TRIM67: variants seen among roughly 807,000 people sequenced by gnomAD.
TRIM67 encodes tripartite motif-containing protein 67.
A neutral mutation model predicts 71.0 loss-of-function variants in TRIM67; 39 were observed. That is an observed-to-expected ratio of 0.55 (90% CI 0.43 to 0.72). The LOEUF is 0.72. TRIM67 is among the 30% of genes least tolerant of loss of function. The pLI is 0.00. For missense variants in TRIM67, 973 were observed against 1,079.2 expected, an observed-to-expected ratio of 0.90 and a Z score of 1.38; for synonymous variants, 481 against 473.9, an observed-to-expected ratio of 1.01 and a Z score of -0.19.
intron 8 of TRIM67, among the ~76,000 whole-genome samples, chr1:231,212,017 T>C (rs1192845059): frequency 1.3e-5 from 2 of 152,212 alleles, no homozygotes; most frequent in African/African-American, 4.8e-5. Context: ...AGTCCTTTAT[T>C]AAGCCGGTGG....
At chr1:231,192,378 T>C (rs187230566) in intron 1 of TRIM67, among the ~76,000 whole-genome samples, 111 of 152,178 alleles carry the variant, frequency 7.3e-4, no homozygotes, top group African/African-American at 2.6e-3. Context: ...GTCGTACTCA[T>C]TATGTTGCCC....
chr1:231,215,751 T>G lies in TRIM67; in HGVS notation c.*311T>G, dbSNP rs1683999644. On this transcript the variant is annotated 3_prime_UTR_variant, in exon 10 of 10. Transcript: ENST00000366653. The stretch of plus-strand genomic sequence containing the variant: ...CAGCATTCGGGCTTCATGTCTATGT[T>G]TCCTGCCATCTGTTTTCAAAGCTTG... The G allele has an allele frequency of 3.5e-6, 4 of 1,158,236 alleles. No homozygotes were observed. The highest frequency in any genetic ancestry group is 4.3e-6 in the Non-Finnish European group (4 of 940,838). 71.7% of individuals were successfully genotyped at this position (1,158,236 alleles called of 1,614,324 possible).
At position 231,206,697 on chromosome 1, in the gene TRIM67, C is replaced by A; in HGVS notation, c.1726C>A (p.His576Asn). The A allele has an allele frequency of 6.2e-7, 1 of 1,611,566 alleles. No homozygotes were observed. The highest frequency in any genetic ancestry group is 1.1e-5 in the South Asian group (1 of 90,454). The change falls in exon 7 of 10, where the codon CAC becomes AAC. Residue 576 changes from histidine to asparagine, a missense_variant. Physicochemically the swap from His to Asn is moderately conservative, Grantham distance 68. Around this residue, in one of 2 missense-constraint regions of TRIM67, gnomAD observed 795 missense variants for 831.3 expected, o/e 0.96. Coordinates refer to ENST00000366653, the MANE Select transcript of TRIM67 (RefSeq NM_001004342.5). ...KETLCTIDGL[H>N]FNSTYNARVK... ...GACTTTGTGTACCATCGACGGTCTT[C>A]ACTTCAACAGCACCTACAACGCCCG...
Position 231,219,313 on chromosome 1 carries a change from G to T in TRIM67, c.*3873G>T, listed in dbSNP as rs7515607. 2.0e-6 allele frequency: 2 copies of T among 983,454 alleles called. No homozygotes were observed. Among genetic ancestry groups the T allele is most frequent in the Non-Finnish European group, 1.2e-6 (1 of 828,210 alleles). 60.9% of individuals were successfully genotyped at this position (983,454 alleles called of 1,614,324 possible). ...GGTGTGACAACCAAAAGTATCTGTCGACATTGCTAGGTATCTCCTGGGGGC... is the reference window on the plus strand; with the variant it reads ...GGTGTGACAACCAAAAGTATCTGTCTACATTGCTAGGTATCTCCTGGGGGC... On this transcript the variant is annotated 3_prime_UTR_variant, in exon 10 of 10. Coordinates refer to ENST00000366653, the MANE Select transcript of TRIM67 (RefSeq NM_001004342.5).
chr1:231,206,024 C>A (rs901197590), intron 6 of TRIM67, among the ~76,000 whole-genome samples: 1 of 152,178 alleles, frequency 6.6e-6, no homozygotes, highest in Non-Finnish European at 1.5e-5. Flanking sequence ...GCAGAGGGGC[C>A]GGGCAGCCAG....
intron 1 of TRIM67, among the ~76,000 whole-genome samples, chr1:231,174,152 C>CTTT (rs35651112): frequency 1.9e-4 from 24 of 127,350 alleles, no homozygotes; most frequent in African/African-American, 2.3e-4. Flanking sequence ...GTCTTATTTT[C>CTTT]TTTTTTTTTT....
At position 231,217,615 on chromosome 1, in the gene TRIM67, C is replaced by A. The variant is rs1338076720; in HGVS notation, c.*2175C>A. On this transcript the variant is annotated 3_prime_UTR_variant, in exon 10 of 10. Coordinates refer to ENST00000366653, the MANE Select transcript of TRIM67 (RefSeq NM_001004342.5). ...AAAAAAAAACAGGCCTACACCCTGC[C>A]CCCAGAATGAGAGTGGGCTAGGCAG... is the stretch of plus-strand genomic sequence containing the variant. The A allele has an allele frequency of 6.2e-6, 7 of 1,120,320 alleles. No individual in the cohort carries two copies. The highest frequency in any genetic ancestry group is 4.9e-5 in the African/African-American group (3 of 61,566). 69.4% of individuals were successfully genotyped at this position (1,120,320 alleles called of 1,614,324 possible). A position where few individuals can be genotyped will look rare whatever the true frequency, so the allele number is the denominator to read the frequency against.
At chr1:231,182,932 C>T (rs12032558) in intron 1 of TRIM67, among the ~76,000 whole-genome samples, 28,628 of 152,114 alleles carry the variant, frequency 0.19, 4,394 homozygotes, top group African/African-American at 0.41. Flanking sequence ...TTTATTTTGA[C>T]TTCAGCATTA....
rs767757226 is a variant in TRIM67 at position 231,216,581 on chromosome 1, G to GGC, written c.*1142_*1143dup. On this transcript the variant is annotated 3_prime_UTR_variant, in exon 10 of 10. Transcript: ENST00000366653. ...TTATGAAAGCATCATGAACACAAGT[G>GGC]GCCCCTGTGGCAGGCCGGGACGGCT... 336 of 985,428 alleles carry GGC rather than the reference G, an allele frequency of 3.4e-4. No homozygotes were observed. The highest frequency in any genetic ancestry group is 4.0e-4 in the Non-Finnish European group (328 of 830,008). The allele number at this position is 985,428 out of a possible 1,614,324, so 61.0% of individuals were successfully genotyped here. A position where few individuals can be genotyped will look rare whatever the true frequency, so the allele number is the denominator to read the frequency against.
Position 231,176,906 on chromosome 1 carries a change from C to CAAA in TRIM67, c.1044+12908_1044+12910dup, listed in dbSNP as rs56115614. Among the ~76,000 whole-genome samples the CAAA allele has an allele frequency of 1.4e-3, 105 of 74,398 alleles. 4 individuals carry two copies. The highest frequency in any genetic ancestry group is 5.2e-3 in the African/African-American group (87 of 16,592). 48.8% of individuals were successfully genotyped at this position (74,398 alleles called of 152,430 possible). A position where few individuals can be genotyped will look rare whatever the true frequency, so the allele number is the denominator to read the frequency against. ...TACCCTGTTTGCCAATACAATCTGG[C>CAAA]AAAAAAAAAAAAAAAAACACCTTTC... On this transcript the variant is annotated intron_variant, in intron 1 of 9. Transcript: ENST00000366653.
chr1:231,189,428 T>C (rs1403869925), intron 1 of TRIM67, among the ~76,000 whole-genome samples: 3 of 152,142 alleles, frequency 2.0e-5, no homozygotes, highest in Non-Finnish European at 4.4e-5. Context: ...CTCACAATCA[T>C]TGTGGGTCCA....
Position 231,218,901 on chromosome 1 carries a change from C to T in TRIM67, c.*3461C>T, listed in dbSNP as rs1416977859. The stretch of plus-strand genomic sequence containing the variant: ...TTGGTGCCCCTGCCCTCCGCCCCAC[C>T]ACAGCACTCTCAGGAAAGGATCAGA... On this transcript the variant is annotated 3_prime_UTR_variant, in exon 10 of 10. Transcript: ENST00000366653. The T allele has an allele frequency of 2.0e-6, 2 of 985,458 alleles. No homozygotes were observed. Among genetic ancestry groups the T allele is most frequent in the African/African-American group, 1.7e-5 (1 of 57,244 alleles). The allele number at this position is 985,458 out of a possible 1,614,324, so 61.0% of individuals were successfully genotyped here. A position where few individuals can be genotyped will look rare whatever the true frequency, so the allele number is the denominator to read the frequency against.
chr1:231,204,528 G>A lies in TRIM67; in HGVS notation c.1680+516G>A, dbSNP rs764033548. Among the ~76,000 whole-genome samples, 97 of 152,230 alleles carry A rather than the reference G, an allele frequency of 6.4e-4. 1 individual carries two copies. The highest frequency in any genetic ancestry group is 1.4e-3 in the Non-Finnish European group (93 of 68,002). ...ATAGACTATCATGGGGGCAATAAAG[G>A]TTCTTAGTGAGCCAGAAATGCATCT... On this transcript the variant is annotated intron_variant, in intron 6 of 9. Transcript: ENST00000366653.
At chr1:231,202,262 G>T (rs1247358951) in intron 5 of TRIM67, among the ~76,000 whole-genome samples, 1 of 3,636 alleles carries the variant, frequency 2.8e-4, no homozygotes, top group Non-Finnish European at 8.6e-4. Context: ...GAAGGAGGAG[G>T]TGGTGGCGGA....
chr1:231,207,766 T>C (rs1683746249), intron 7 of TRIM67, among the ~76,000 whole-genome samples: 1 of 152,174 alleles, frequency 6.6e-6, no homozygotes, highest in Admixed American at 6.5e-5. Context: ...CGCTAGCTTC[T>C]GCCTCTAGAC....
At chr1:231,164,774 G>A (rs1682405023) in intron 1 of TRIM67, among the ~76,000 whole-genome samples, 1 of 152,104 alleles carries the variant, frequency 6.6e-6, no homozygotes, top group African/African-American at 2.4e-5. Flanking sequence ...ATTGGCCAAG[G>A]CTATCCAACT....
At chr1:231,169,372 T>C (rs984328925) in intron 1 of TRIM67, among the ~76,000 whole-genome samples, 9 of 138,668 alleles carry the variant, frequency 6.5e-5, no homozygotes, top group African/African-American at 2.3e-4. Flanking sequence ...TTTTCTCTTT[T>C]TTTTTTTTTT....
chr1:231,184,438 C>G (rs1444780194), intron 1 of TRIM67: 2 of 153,700 alleles, frequency 1.3e-5, no homozygotes, highest in Non-Finnish European at 2.9e-5. Context: ...TTGCACAGGG[C>G]ATGTAGGGAA....
chr1:231,174,908 G>C (rs1454393299), intron 1 of TRIM67, among the ~76,000 whole-genome samples: 1 of 152,202 alleles, frequency 6.6e-6, no homozygotes, highest in Admixed American at 6.5e-5. Context: ...CAACCAAAGA[G>C]AGCTAGGATC....
Sources: allele counts gnomAD v4.1 joint callset (sites outside exome capture counted in the v4.1 genomes callset), GRCh38; gene constraint gnomAD v4.1.1; regional missense constraint gnomAD v4.1.1; transcripts MANE v1.5; gene names NCBI Gene and HGNC (gene_info 2026-07-23, HGNC 2026-07-21).